ACMSD: variants seen among roughly 807,000 people sequenced by gnomAD.
ACMSD encodes 2-amino-3-carboxymuconate-6-semialdehyde decarboxylase.
A neutral mutation model predicts 45.9 loss-of-function variants in ACMSD; 37 were observed. The observed-to-expected ratio is 0.81, with a 90% CI of 0.62 to 1.06. ACMSD has a LOEUF of 1.06. ACMSD is among the 50% of genes least tolerant of loss of function. ACMSD has a pLI of 0.00. For synonymous variants in ACMSD, 138 were observed against 148.8 expected, an observed-to-expected ratio of 0.93 and a Z score of 0.53; for missense variants, 434 against 420.9, an observed-to-expected ratio of 1.03 and a Z score of -0.27.
In ACMSD at chr2:134,870,983, C is replaced by A; in HGVS notation, c.599C>A (p.Thr200Asn). Reference protein sequence around the residue: ...PWLVGMPAETTIAICSMIMGG... With the variant: ...PWLVGMPAETNIAICSMIMGG... Reference sequence around the variant, plus strand: ...CTTTCAGGAATGCCAGCAGAGACCACCATAGCCATTTGCTCCATGATCATG... The same window carrying A: ...CTTTCAGGAATGCCAGCAGAGACCAACATAGCCATTTGCTCCATGATCATG... The change falls in exon 7 of 10, where the codon ACC (threonine) becomes AAC (asparagine). Residue 200 changes from threonine to asparagine, a missense_variant. Physicochemically the swap from Thr to Asn is moderately conservative, Grantham distance 65. Coordinates refer to ENST00000356140, the MANE Select transcript of ACMSD (RefSeq NM_138326.3). 1 of 1,614,068 alleles carries A rather than the reference C, an allele frequency of 6.2e-7. No individual in the cohort carries two copies. The highest frequency in any genetic ancestry group is 8.5e-7 in the Non-Finnish European group (1 of 1,180,002).
intron 5 of ACMSD, among the ~76,000 whole-genome samples, chr2:134,864,862 T>C (rs1329636474): frequency 6.6e-6 from 1 of 152,176 alleles, no homozygotes; most frequent in African/African-American, 2.4e-5. Context: ...TCTCCATCAG[T>C]CTTCTTCTTC....
chr2:134,863,316 G>A, intron 4 of ACMSD, 79 bp from the exon 5 acceptor site: 2 of 1,319,450 alleles, frequency 1.5e-6, no homozygotes, highest in Non-Finnish European at 2.2e-6. Flanking sequence ...TTATAGCCAT[G>A]AGGAGGCACT....
Position 134,886,342 on chromosome 2 carries a change from G to A in ACMSD, c.850-11999G>A, listed in dbSNP as rs569311936. 2.1e-5 allele frequency among the ~76,000 whole-genome samples: 3 copies of A among 146,006 alleles called. No homozygotes were observed. In the East Asian group the frequency reaches 6.5e-4, roughly 32 times the overall value. On this transcript the variant is annotated intron_variant, in intron 8 of 9. Coordinates refer to ENST00000356140, the MANE Select transcript of ACMSD (RefSeq NM_138326.3). Reference sequence around the variant, plus strand: ...TGGCTCACTACAAGCTCCGCCTCCCGGGTTCACGCCATTCTCCTGCCTCAG... The same window carrying A: ...TGGCTCACTACAAGCTCCGCCTCCCAGGTTCACGCCATTCTCCTGCCTCAG...
At chr2:134,862,543 G>T (rs547164028) in intron 4 of ACMSD, among the ~76,000 whole-genome samples, 21 of 152,224 alleles carry the variant, frequency 1.4e-4, no homozygotes, top group African/African-American at 5.1e-4. Flanking sequence ...ACGTAGCCGG[G>T]AATGTGCTAG....
chr2:134,845,427 C>T, intron 2 of ACMSD, 150 bp downstream of exon 2: 1 of 801,994 alleles, frequency 1.2e-6, no homozygotes, highest in Non-Finnish European at 2.0e-6. Flanking sequence ...TGAGATTTCT[C>T]AGAATAATTG....
chr2:134,853,646 G>T (rs1573630023), intron 2 of ACMSD, among the ~76,000 whole-genome samples: 1 of 152,044 alleles, frequency 6.6e-6, no homozygotes, highest in Non-Finnish European at 1.5e-5. Flanking sequence ...AATGTAAAGC[G>T]ACAGAGATCA....
intron 1 of ACMSD, 120 bp from the exon 2 acceptor site, chr2:134,845,113 G>A: frequency 1.1e-6 from 1 of 942,160 alleles, no homozygotes; most frequent in South Asian, 1.3e-5. Context: ...ACATGGGTAT[G>A]GGGGAAATGG....
chr2:134,879,045 T>A (rs1362182892), intron 8 of ACMSD, among the ~76,000 whole-genome samples: 1 of 152,232 alleles, frequency 6.6e-6, no homozygotes, highest in Non-Finnish European at 1.5e-5. Context: ...AGTCACATCT[T>A]GGCTTAATTT....
Position 134,863,578 on chromosome 2 carries a change from AC to A in ACMSD, c.436del (p.His146ThrfsTer7), listed in dbSNP as rs745635230. ...ELGFPGVQIGTHVNEWDLNAQ... is the reference protein window; with the variant it reads ...ELGFPGVQIGXHVNEWDLNAQ... ...GGGCTTTCCCGGGGTCCAAATTGGCACCCACGTCAACGAGTGGGACCTGAAC... is the reference window on the plus strand; with the variant it reads ...GGGCTTTCCCGGGGTCCAAATTGGCACCACGTCAACGAGTGGGACCTGAAC... On this transcript the variant is annotated frameshift_variant, in exon 5 of 10. Coordinates refer to ENST00000356140, the MANE Select transcript of ACMSD (RefSeq NM_138326.3). LOFTEE classifies it high-confidence loss of function. 1.2e-6 allele frequency: 2 copies of A among 1,614,100 alleles called. No individual in the cohort carries two copies. Among genetic ancestry groups the A allele is most frequent in the East Asian group, 4.5e-5 (2 of 44,854 alleles).
intron 2 of ACMSD, among the ~76,000 whole-genome samples, chr2:134,855,947 T>C (rs193248613): frequency 4.2e-4 from 64 of 152,268 alleles, no homozygotes; most frequent in African/African-American, 1.4e-3. Flanking sequence ...CCTTTGATCA[T>C]TGCACACCCA....
chr2:134,876,115 G>A (rs190370622), intron 8 of ACMSD, among the ~76,000 whole-genome samples: 2 of 152,302 alleles, frequency 1.3e-5, no homozygotes, highest in East Asian at 1.9e-4. Flanking sequence ...ACCATGAATG[G>A]AGCTTGCAGG....
chr2:134,899,093 G>A (rs1450910931), intron 9 of ACMSD, among the ~76,000 whole-genome samples: 5 of 152,122 alleles, frequency 3.3e-5, no homozygotes, highest in African/African-American at 1.2e-4. Flanking sequence ...CCAGGAGTCA[G>A]GGATGGCCAA....
chr2:134,879,961 T>A (rs1688946547), intron 8 of ACMSD, among the ~76,000 whole-genome samples: 1 of 152,218 alleles, frequency 6.6e-6, no homozygotes, highest in African/African-American at 2.4e-5. Flanking sequence ...ATTTTCCCAT[T>A]TCTTGGTTTT....
chr2:134,868,928 T>C (rs540502363), intron 6 of ACMSD: 33 of 152,348 alleles, frequency 2.2e-4, no homozygotes, highest in African/African-American at 6.7e-4. Flanking sequence ...GTATTGCCTG[T>C]AGTAAATCAC....
chr2:134,895,341 A>ATATATATATGTTATATATATATATATAAT (rs1690062538), intron 8 of ACMSD, among the ~76,000 whole-genome samples: 1 of 145,974 alleles, frequency 6.9e-6, no homozygotes, highest in South Asian at 2.1e-4. Flanking sequence ...TATATATAAT[A>ATATATATATGTTATATATATATATATAAT]TATATATAAC....
chr2:134,901,908 T>C lies in ACMSD; in HGVS notation c.*48T>C, dbSNP rs772922188. 8.9e-6 allele frequency: 13 copies of C among 1,459,370 alleles called. No homozygotes were observed. The highest frequency in any genetic ancestry group is 1.4e-5 in the African/African-American group (1 of 71,658). The allele number at this position is 1,459,370 out of a possible 1,614,324, so 90.4% of individuals were successfully genotyped here. On this transcript the variant is annotated 3_prime_UTR_variant, in exon 10 of 10. Transcript: ENST00000356140. The stretch of plus-strand genomic sequence containing the variant: ...CTTTCAAAAGGATATCTCATTTTTG[T>C]TTCTAAATATGTATCAACAGGTATC...
intron 8 of ACMSD, among the ~76,000 whole-genome samples, chr2:134,874,080 G>C (rs1373543786): frequency 6.6e-6 from 1 of 152,196 alleles, no homozygotes; most frequent in East Asian, 1.9e-4. Flanking sequence ...CGAGCACCCA[G>C]TGCAATACAC....
At chr2:134,841,992 T>C (rs1686826371) in intron 1 of ACMSD, among the ~76,000 whole-genome samples, 1 of 152,198 alleles carries the variant, frequency 6.6e-6, no homozygotes, top group Non-Finnish European at 1.5e-5. Flanking sequence ...CTTCAAGACA[T>C]TAACAATGTC....
At position 134,863,625 on chromosome 2, in the gene ACMSD, C is replaced by G; in HGVS notation, c.480C>G (p.Val160=). Residue 160 remains valine (V), a synonymous_variant, in exon 5 of 10, where the codon GTC becomes GTG. Coordinates refer to ENST00000356140, the MANE Select transcript of ACMSD (RefSeq NM_138326.3). The part of the protein sequence containing the change: ...WDLNAQELFP[V]YAAAERLKCS... ...TGAACGCGCAGGAGCTCTTTCCTGT[C>G]TATGCGGTGAGTAGCGGGGCTGCTC... 6.2e-7 allele frequency: 1 copy of G among 1,614,062 alleles called. No individual in the cohort carries two copies. Among genetic ancestry groups the G allele is most frequent in the Non-Finnish European group, 8.5e-7 (1 of 1,180,022 alleles).
Sources: gnomAD v4.1 joint callset for allele counts (sites outside exome capture counted in the v4.1 genomes callset) on GRCh38, gnomAD v4.1.1 for gene constraint, MANE v1.5 for transcripts, NCBI Gene and HGNC (gene_info 2026-07-23, HGNC 2026-07-21) for gene names.